The following MAP3K4 variants were observed in gnomAD, a reference collection of about 807,000 sequenced individuals.
MAP3K4 encodes MAP three kinase 1.
Under a neutral mutation model 185.6 loss-of-function variants are expected in MAP3K4, and 67 were observed. That is an observed-to-expected ratio of 0.36 (90% confidence interval 0.30 to 0.44). MAP3K4 has a LOEUF of 0.44. Ranked by LOEUF, MAP3K4 falls within the 20% of genes least tolerant of loss-of-function variation. The pLI is 1.00. For synonymous variants in MAP3K4, 702 were observed against 710.4 expected, an observed-to-expected ratio of 0.99 and a Z score of 0.19; for missense variants, 1,551 against 1,995.1, an observed-to-expected ratio of 0.78 and a Z score of 4.24.
chr6:161,077,774 G>A lies in MAP3K4; in HGVS notation c.2098-3107G>A, dbSNP rs1785250214. Among the ~76,000 whole-genome samples the A allele has an allele frequency of 6.6e-6, 1 of 152,208 alleles. No individual in the cohort carries two copies. Among genetic ancestry groups the A allele is most frequent in the Admixed American group, 6.5e-5 (1 of 15,284 alleles). On this transcript the variant is annotated intron_variant, in intron 5 of 26. Coordinates refer to ENST00000392142, the MANE Select transcript of MAP3K4 (RefSeq NM_005922.4). This position sits in a 1 kb window ranked among gnomAD's most constrained non-coding sequence, Gnocchi z 4.3. The stretch of plus-strand genomic sequence containing the variant: ...GTCCAGCTCCTGCAGCTGTGTGAGT[G>A]GTGAAGATGTGAGTCCGGTGAGGAG...
At chr6:161,032,495 CAG>C (rs1195880138) in intron 1 of MAP3K4, among the ~76,000 whole-genome samples, 1 of 152,104 alleles carries the variant, frequency 6.6e-6, no homozygotes, top group Non-Finnish European at 1.5e-5. Flanking sequence ...TAAATGTACA[CAG>C]AGAGAAAATT....
rs754992619 is a variant in MAP3K4 at position 161,049,529 on chromosome 6, A to G, written c.1257A>G (p.Leu419=). Reference sequence around the variant, plus strand: ...GCACTGTTTTGGGCATCAAGAATTTATCAGACATTGGCTGGCCAGTGTTTG... The same window carrying G: ...GCACTGTTTTGGGCATCAAGAATTTGTCAGACATTGGCTGGCCAGTGTTTG... ...IMGTVLGIKN[L]SDIGWPVFEI... Residue 419 remains leucine (L), a synonymous_variant, in exon 3 of 27, where the codon TTA becomes TTG. Coordinates refer to ENST00000392142, the MANE Select transcript of MAP3K4 (RefSeq NM_005922.4). The surrounding 1 kb of genome is among the most constrained non-coding windows in gnomAD (Gnocchi z 8.4). The G allele has an allele frequency of 6.8e-6, 11 of 1,614,086 alleles. No individual in the cohort carries two copies. Among genetic ancestry groups the G allele is most frequent in the East Asian group, 2.2e-5 (1 of 44,898 alleles).
chr6:161,005,392 G>A (rs138930501), intron 1 of MAP3K4, among the ~76,000 whole-genome samples: 93 of 152,046 alleles, frequency 6.1e-4, no homozygotes, highest in African/African-American at 2.0e-3. Context: ...TGCCTGCCTC[G>A]GTCTCGCAAA....
chr6:160,992,112 C>T (rs938512961), intron 1 of MAP3K4, 29 bp downstream of exon 1: 6 of 1,523,250 alleles, frequency 3.9e-6, no homozygotes, highest in South Asian at 1.3e-5. Flanking sequence ...GTCGGTCGCT[C>T]GCAGAAAGCG....
Position 161,056,603 on chromosome 6 carries a change from CGT to C in MAP3K4, c.1707+6627_1707+6628del, listed in dbSNP as rs1306611894. 1.3e-5 allele frequency among the ~76,000 whole-genome samples: 2 copies of C among 152,172 alleles called. No homozygotes were observed. Among genetic ancestry groups the C allele is most frequent in the Admixed American group, 6.5e-5 (1 of 15,284 alleles). ...TACATGTTTGTTCAACCCTACCATA[CGT>C]GTAAAGTAGTTTCAGAATTGCTAAC... On this transcript the variant is annotated intron_variant, in intron 3 of 26. Transcript: ENST00000392142. The surrounding 1 kb of genome is among the most constrained non-coding windows in gnomAD (Gnocchi z 5.4).
chr6:161,039,568 A>G (rs377648964), intron 2 of MAP3K4, among the ~76,000 whole-genome samples: 16 of 152,304 alleles, frequency 1.1e-4, no homozygotes, highest in Admixed American at 5.9e-4. Flanking sequence ...TGATTAGACA[A>G]TTGACTCATT....
chr6:161,055,972 T>G (rs1003256732), intron 3 of MAP3K4, among the ~76,000 whole-genome samples: 4 of 152,196 alleles, frequency 2.6e-5, no homozygotes, highest in African/African-American at 2.4e-5. Flanking sequence ...AAGTTTTGCT[T>G]CTTCTCATTT....
intron 17 of MAP3K4, among the ~76,000 whole-genome samples, chr6:161,099,586 A>G (rs1213987715): frequency 1.3e-5 from 2 of 152,200 alleles, no homozygotes; most frequent in East Asian, 3.8e-4. Flanking sequence ...GAGGGCTGCC[A>G]AAACTGTCTT....
intron 2 of MAP3K4, among the ~76,000 whole-genome samples, chr6:161,040,295 C>G (rs917081884): frequency 6.6e-6 from 1 of 152,090 alleles, no homozygotes; most frequent in African/African-American, 2.4e-5. Context: ...CATACAAGTA[C>G]TATATATAGA....
Position 161,007,658 on chromosome 6 carries a change from G to C in MAP3K4, c.152+15575G>C, listed in dbSNP as rs628923. On this transcript the variant is annotated intron_variant, in intron 1 of 26. Transcript: ENST00000392142. The surrounding 1 kb of genome is among the most constrained non-coding windows in gnomAD (Gnocchi z 4.5). ...TGTATAGCCTCTGAAAATCTGTAAA[G>C]GTTTTTCTCCTTTTTAAAAAAATTG... is the stretch of plus-strand genomic sequence containing the variant. Among the ~76,000 whole-genome samples, 1 of 152,048 alleles carries C rather than the reference G, an allele frequency of 6.6e-6. No individual in the cohort carries two copies. The highest frequency in any genetic ancestry group is 2.4e-5 in the African/African-American group (1 of 41,392).
At chr6:161,011,883 A>G (rs758231390) in intron 1 of MAP3K4, among the ~76,000 whole-genome samples, 1 of 152,130 alleles carries the variant, frequency 6.6e-6, no homozygotes, top group Non-Finnish European at 1.5e-5. Context: ...TTCATATGTT[A>G]AGTGCTGGCT....
At position 161,070,045 on chromosome 6, in the gene MAP3K4, A is replaced by G. The variant is rs1784870379; in HGVS notation, c.1708-563A>G. 1.3e-5 allele frequency among the ~76,000 whole-genome samples: 2 copies of G among 152,228 alleles called. No individual in the cohort carries two copies. The highest frequency in any genetic ancestry group is 4.1e-4 in the South Asian group (2 of 4,830). ...GCATCACAAAACGGATAACTGAGTC[A>G]TGCCAACCAGGTTGATCTTAACGAT... On this transcript the variant is annotated intron_variant, in intron 3 of 26. Coordinates refer to ENST00000392142, the MANE Select transcript of MAP3K4 (RefSeq NM_005922.4). The surrounding 1 kb of genome is among the most constrained non-coding windows in gnomAD (Gnocchi z 4.5).
chr6:161,015,627 A>G (rs1406239597), intron 1 of MAP3K4, among the ~76,000 whole-genome samples: 2 of 152,078 alleles, frequency 1.3e-5, no homozygotes, highest in Admixed American at 1.3e-4. Flanking sequence ...GCTTCCACTC[A>G]AGGTAGAAGG....
At position 161,101,747 on chromosome 6, in the gene MAP3K4, T is replaced by C; in HGVS notation, c.3675-145T>C. The C allele has an allele frequency of 3.1e-6, 2 of 653,398 alleles. No individual in the cohort carries two copies. Among genetic ancestry groups the C allele is most frequent in the South Asian group, 3.8e-5 (2 of 53,200 alleles). The allele number at this position is 653,398 out of a possible 1,614,324, so 40.5% of individuals were successfully genotyped here. A position where few individuals can be genotyped will look rare whatever the true frequency, so the allele number is the denominator to read the frequency against. ...GATGCCAGTAGCACCCTCCCAAAAGTGTCTAATACATTGCTGGAGGCAGAG... is the reference window on the plus strand; with the variant it reads ...GATGCCAGTAGCACCCTCCCAAAAGCGTCTAATACATTGCTGGAGGCAGAG... On this transcript the variant is annotated intron_variant, in intron 17 of 26. Coordinates refer to ENST00000392142, the MANE Select transcript of MAP3K4 (RefSeq NM_005922.4). The surrounding 1 kb of genome is among the most constrained non-coding windows in gnomAD (Gnocchi z 5.1).
chr6:161,091,029 A>G lies in MAP3K4; in HGVS notation c.2974-350A>G, dbSNP rs987380472. The stretch of plus-strand genomic sequence containing the variant: ...ATCGGAGGAGGTCATCTAGAAGTAC[A>G]TGGACTTTTTCACTCTGTGGAATTG... On this transcript the variant is annotated intron_variant, in intron 11 of 26. Transcript: ENST00000392142. The surrounding 1 kb of genome is among the most constrained non-coding windows in gnomAD (Gnocchi z 5.5). Among the ~76,000 whole-genome samples, 3 of 152,208 alleles carry G rather than the reference A, an allele frequency of 2.0e-5. No individual in the cohort carries two copies. Among genetic ancestry groups the G allele is most frequent in the Non-Finnish European group, 2.9e-5 (2 of 68,024 alleles).
Position 161,034,212 on chromosome 6 carries a change from A to G in MAP3K4, c.153-47A>G. 7.0e-7 allele frequency: 1 copy of G among 1,421,108 alleles called. No individual in the cohort carries two copies. Among genetic ancestry groups the G allele is most frequent in the Non-Finnish European group, 9.7e-7 (1 of 1,036,210 alleles). 88.0% of individuals were successfully genotyped at this position (1,421,108 alleles called of 1,614,324 possible). A position where few individuals can be genotyped will look rare whatever the true frequency, so the allele number is the denominator to read the frequency against. On this transcript the variant is annotated intron_variant, in intron 1 of 26. Transcript: ENST00000392142. This position sits in a 1 kb window ranked among gnomAD's most constrained non-coding sequence, Gnocchi z 4.4. ...AAAAATTATAAGTAAATTTGAATTC[A>G]CTTAACTGTGTTGCTGAATATTTTC...
In MAP3K4 at chr6:161,070,667, A is replaced by G; in HGVS notation, c.1767A>G (p.Pro589=). ...ATTATGTGCAGTTGTCAAGGACACC[A>G]CCTTCATCTGAGGAGAAATGCAGTG... ...GSDYVQLSRT[P]PSSEEKCSAV... is the part of the protein sequence containing the mutation. Residue 589 remains proline (P), a synonymous_variant, in exon 4 of 27, where the codon CCA becomes CCG. Transcript: ENST00000392142. This position sits in a 1 kb window ranked among gnomAD's most constrained non-coding sequence, Gnocchi z 4.5. The G allele has an allele frequency of 6.2e-7, 1 of 1,614,036 alleles. No individual in the cohort carries two copies. The highest frequency in any genetic ancestry group is 8.5e-7 in the Non-Finnish European group (1 of 1,179,976).
rs534240465 is a variant in MAP3K4, at chr6:161,076,024, A to G, written c.2097+2412A>G. On this transcript the variant is annotated intron_variant, in intron 5 of 26. Coordinates refer to ENST00000392142, the MANE Select transcript of MAP3K4 (RefSeq NM_005922.4). The surrounding 1 kb of genome is among the most constrained non-coding windows in gnomAD (Gnocchi z 4.2). Reference sequence around the variant, plus strand: ...GTCTGGAAACCCACCGAAAACAGCAAATGGAAAAATTCCTTCTTCAGAGAA... The same window carrying G: ...GTCTGGAAACCCACCGAAAACAGCAGATGGAAAAATTCCTTCTTCAGAGAA... Among the ~76,000 whole-genome samples the G allele has an allele frequency of 2.6e-5, 4 of 152,278 alleles. No homozygotes were observed. The South Asian group carries it at 8.3e-4, about 32-fold the overall frequency.
chr6:161,099,097 G>A (rs953455689), intron 17 of MAP3K4, among the ~76,000 whole-genome samples: 1 of 152,212 alleles, frequency 6.6e-6, no homozygotes, highest in African/African-American at 2.4e-5. Flanking sequence ...AGTGGAGGAA[G>A]AGCTGTTGTT....
Sources: allele counts gnomAD v4.1 joint callset (sites outside exome capture counted in the v4.1 genomes callset), GRCh38; gene constraint gnomAD v4.1.1; non-coding constraint Gnocchi (gnomAD v3.1); transcripts MANE v1.5; gene names NCBI Gene and HGNC (gene_info 2026-07-23, HGNC 2026-07-21).